PRKCD: variants seen among roughly 807,000 people sequenced by gnomAD.
PRKCD encodes the protein protein kinase C delta.
A neutral mutation model predicts 82.2 loss-of-function variants in PRKCD; 20 were observed. The ratio of observed to expected loss-of-function variants is 0.24; its 90% CI spans 0.17 to 0.35. The LOEUF is 0.35. PRKCD is among the 10% of genes least tolerant of loss of function. The pLI is 1.00. For synonymous variants in PRKCD, 317 were observed against 337.0 expected, an observed-to-expected ratio of 0.94 and a Z score of 0.65; for missense variants, 607 against 899.0, an observed-to-expected ratio of 0.68 and a Z score of 4.15.
At chr3:53,183,717 G>A (rs1484097985) in intron 9 of PRKCD, 136 bp downstream of exon 9, 1 of 1,283,554 alleles carries the variant, frequency 7.8e-7, no homozygotes, top group African/African-American at 1.5e-5. Flanking sequence ...TGAGGGTGAG[G>A]CCTTGGTGGA....
Position 53,178,452 on chromosome 3 carries a change from C to A in PRKCD, c.30C>A (p.Asn10Lys). The change falls in exon 3 of 19, where the codon AAC (asparagine) becomes AAA (lysine). Residue 10 changes from asparagine (N) to lysine (K), a missense_variant. Physicochemically the swap from Asn to Lys is moderately conservative, Grantham distance 94. Coordinates refer to ENST00000330452, the MANE Select transcript of PRKCD (RefSeq NM_006254.4). MAPFLRIAF[N>K]SYELGSLQAE... ...CGCCGTTCCTGCGCATCGCCTTCAACTCCTATGAGCTGGGCTCCCTGCAGG... is the reference window on the plus strand; with the variant it reads ...CGCCGTTCCTGCGCATCGCCTTCAAATCCTATGAGCTGGGCTCCCTGCAGG... The A allele has an allele frequency of 6.2e-7, 1 of 1,612,918 alleles. No individual in the cohort carries two copies. Among genetic ancestry groups the A allele is most frequent in the Non-Finnish European group, 8.5e-7 (1 of 1,179,874 alleles).
At position 53,192,320 on chromosome 3, in the gene PRKCD, C is replaced by T; in HGVS notation, c.*54C>T. 6.3e-7 allele frequency: 1 copy of T among 1,590,234 alleles called. No individual in the cohort carries two copies. Among genetic ancestry groups the T allele is most frequent in the East Asian group, 2.2e-5 (1 of 44,552 alleles). On this transcript the variant is annotated 3_prime_UTR_variant, in exon 19 of 19. Transcript: ENST00000330452. ...CCCTCCACCCACACCTGCCCGCTCC[C>T]CACGATAAGCACCAGTGGGACTGTG...
chr3:53,165,570 A>T (rs568972740), intron 2 of PRKCD, among the ~76,000 whole-genome samples: 1 of 152,276 alleles, frequency 6.6e-6, no homozygotes, highest in South Asian at 2.1e-4. Context: ...CAGCTTTTCC[A>T]TGGCCCTGTA....
chr3:53,179,690 G>A lies in PRKCD; in HGVS notation c.229G>A (p.Ala77Thr). Residue 77 changes from alanine to threonine, a missense_variant, in exon 4 of 19, where the codon GCA becomes ACA. By Grantham distance (58) the Ala-to-Thr change is moderately conservative (BLOSUM62 0). Transcript: ENST00000330452. Reference sequence around the variant, plus strand: ...CATCCAGATTGTGCTAATGCGGGCAGCAGAGGAGCCAGTGTCTGAGGTGAC... The same window carrying A: ...CATCCAGATTGTGCTAATGCGGGCAACAGAGGAGCCAGTGTCTGAGGTGAC... Reference protein sequence around the residue: ...RVIQIVLMRAAEEPVSEVTVG... With the variant: ...RVIQIVLMRATEEPVSEVTVG... 3 of 1,611,002 alleles carry A rather than the reference G, an allele frequency of 1.9e-6. No individual in the cohort carries two copies. The highest frequency in any genetic ancestry group is 2.5e-6 in the Non-Finnish European group (3 of 1,178,374).
Position 53,189,891 on chromosome 3 carries a change from A to C in PRKCD, c.1762A>C (p.Thr588Pro), listed in dbSNP as rs1452060664. Residue 588 changes from threonine (T) to proline (P), a missense_variant, in exon 18 of 19, where the codon ACC becomes CCC. Thr to Pro is a conservative substitution (Grantham distance 38). Coordinates refer to ENST00000330452, the MANE Select transcript of PRKCD (RefSeq NM_006254.4). ...GTTGCAGCTCTTTGAAAGGGAACCAACCAAGAGGCTGGGAGTGACCGGAAA... is the reference window on the plus strand; with the variant it reads ...GTTGCAGCTCTTTGAAAGGGAACCACCCAAGAGGCTGGGAGTGACCGGAAA... Reference protein sequence around the residue: ...ILEKLFEREPTKRLGVTGNIK... With the variant: ...ILEKLFEREPPKRLGVTGNIK... 5.0e-6 allele frequency: 8 copies of C among 1,614,096 alleles called. No homozygotes were observed. The highest frequency in any genetic ancestry group is 6.8e-6 in the Non-Finnish European group (8 of 1,180,028).
chr3:53,170,417 C>T (rs1702978646), intron 2 of PRKCD, among the ~76,000 whole-genome samples: 1 of 152,224 alleles, frequency 6.6e-6, no homozygotes, highest in South Asian at 2.1e-4. Flanking sequence ...TGCTGCCCTA[C>T]CAACATAGGT....
intron 6 of PRKCD, 31 bp from the exon 7 acceptor site, chr3:53,181,670 T>C (rs1553667578): frequency 2.5e-6 from 4 of 1,612,334 alleles, no homozygotes; most frequent in Non-Finnish European, 2.5e-6. Flanking sequence ...CGGTCCCCGC[T>C]CACTCACTTT....
chr3:53,162,323 C>T (rs940020357), intron 1 of PRKCD, among the ~76,000 whole-genome samples: 1 of 152,002 alleles, frequency 6.6e-6, no homozygotes, highest in Non-Finnish European at 1.5e-5. Context: ...AGAGCACCAT[C>T]GGAACTGCTC....
At chr3:53,178,352 T>A in intron 2 of PRKCD, 52 bp from the exon 3 acceptor site, 1 of 1,273,966 alleles carries the variant, frequency 7.8e-7, no homozygotes, top group Non-Finnish European at 1.1e-6. Flanking sequence ...TGCCCGTGAC[T>A]GTTCCCGCTG....
chr3:53,189,109 G>A lies in PRKCD; in HGVS notation c.1606G>A (p.Val536Ile), dbSNP rs782794412. 3 of 1,614,108 alleles carry A rather than the reference G, an allele frequency of 1.9e-6. No homozygotes were observed. Among genetic ancestry groups the A allele is most frequent in the African/African-American group, 1.3e-5 (1 of 74,950 alleles). The part of the protein sequence containing the change: ...TFSVDWWSFG[V>I]LLYEMLIGQS... Reference sequence around the variant, plus strand: ...CTCTGTGGACTGGTGGTCTTTCGGGGTCCTTCTGTACGAGATGCTCATTGG... The same window carrying A: ...CTCTGTGGACTGGTGGTCTTTCGGGATCCTTCTGTACGAGATGCTCATTGG... The change falls in exon 17 of 19, where the codon GTC becomes ATC. Residue 536 changes from valine to isoleucine, a missense_variant. This residue lies in a region of PRKCD where 251 missense variants were observed against 423.9 expected (regional missense o/e 0.59). Transcript: ENST00000330452.
At chr3:53,182,294 A>G (rs1184793672) in intron 7 of PRKCD, among the ~76,000 whole-genome samples, 1 of 150,550 alleles carries the variant, frequency 6.6e-6, no homozygotes, top group Non-Finnish European at 1.5e-5. Context: ...TTTGAGACTG[A>G]GTCTCATTCT....
intron 9 of PRKCD, 109 bp downstream of exon 9, chr3:53,183,690 C>G (rs1368160084): frequency 1.4e-6 from 2 of 1,453,774 alleles, no homozygotes. Context: ...AGACGGGCAC[C>G]TCATTCAGGG....
chr3:53,183,046 C>T (rs901344523), intron 7 of PRKCD, 75 bp from the exon 8 acceptor site: 132 of 1,471,332 alleles, frequency 9.0e-5, no homozygotes, highest in Non-Finnish European at 6.6e-5. Flanking sequence ...CTAGACTGGT[C>T]GGCAGGCACC....
chr3:53,189,752 C>G lies in PRKCD; in HGVS notation c.1744-121C>G, dbSNP rs1055815150. On this transcript the variant is annotated intron_variant, in intron 17 of 18. Coordinates refer to ENST00000330452, the MANE Select transcript of PRKCD (RefSeq NM_006254.4). ...AGTGGCCTCCCTCAGCCCCACCGTT[C>G]CCCAGGCTGACTGGGGCTGGGGCAA... 1.3e-5 allele frequency: 19 copies of G among 1,423,042 alleles called. No individual in the cohort carries two copies. The African/African-American group carries it at 2.5e-4, about 19-fold the overall frequency. 88.2% of individuals were successfully genotyped at this position (1,423,042 alleles called of 1,614,324 possible). A position where few individuals can be genotyped will look rare whatever the true frequency, so the allele number is the denominator to read the frequency against.
chr3:53,167,991 A>G (rs1702888911), intron 2 of PRKCD, among the ~76,000 whole-genome samples: 1 of 152,258 alleles, frequency 6.6e-6, no homozygotes, highest in African/African-American at 2.4e-5. Context: ...CAAAGGGAGA[A>G]AATAGATCTC....
intron 2 of PRKCD, chr3:53,173,631 G>A (rs3773724): frequency 0.12 from 18,388 of 152,086 alleles, 1,369 homozygotes; most frequent in East Asian, 0.22. Context: ...ACAGGTGTCC[G>A]CCACCACACC....
chr3:53,162,478 T>G (rs1702704623), intron 1 of PRKCD, among the ~76,000 whole-genome samples: 1 of 152,234 alleles, frequency 6.6e-6, no homozygotes, highest in Admixed American at 6.5e-5. Context: ...TGTCTCCTTG[T>G]GCTAAGTCAC....
intron 2 of PRKCD, among the ~76,000 whole-genome samples, chr3:53,177,928 ATTTTTC>A (rs1260187157): frequency 7.0e-6 from 1 of 142,152 alleles, no homozygotes; most frequent in African/African-American, 2.6e-5. Flanking sequence ...ACCTCTCAAT[ATTTTTC>A]TTTTTCTTTT....
intron 4 of PRKCD, 115 bp from the exon 5 acceptor site, chr3:53,181,092 C>A: frequency 8.8e-7 from 1 of 1,135,486 alleles, no homozygotes; most frequent in South Asian, 1.4e-5. Flanking sequence ...TCTGGCTAGG[C>A]CTTGGGGGGC....
Sources: allele counts gnomAD v4.1 joint callset (sites outside exome capture counted in the v4.1 genomes callset), GRCh38; gene constraint gnomAD v4.1.1; regional missense constraint gnomAD v4.1.1; transcripts MANE v1.5; gene names NCBI Gene and HGNC (gene_info 2026-07-23, HGNC 2026-07-21).